The following RBFOX1 variants were observed in gnomAD, a reference collection of about 807,000 sequenced individuals.
RBFOX1 encodes the protein RNA binding fox-1 homolog 1, also known as RNA binding protein fox-1 homolog 1.
A neutral mutation model predicts 57.7 loss-of-function variants in RBFOX1; 8 were observed. The ratio of observed to expected loss-of-function variants is 0.14; its 90% confidence interval spans 0.08 to 0.25. RBFOX1 has a LOEUF of 0.25. Ranked by LOEUF, RBFOX1 falls within the 10% of genes least tolerant of loss-of-function variation. The pLI is 1.00. For synonymous variants in RBFOX1, 326 were observed against 222.4 expected (o/e 1.47, Z -4.15); for missense variants, 611 against 548.5 (o/e 1.11, Z -1.14).
intron 3 of RBFOX1, among the ~76,000 whole-genome samples, chr16:7,032,831 C>T (rs1026552371): frequency 1.3e-5 from 2 of 152,172 alleles, no homozygotes; most frequent in Admixed American, 1.3e-4. Flanking sequence ...TCTCCAGGCT[C>T]ATGGCATAGC....
intron 1 of RBFOX1, among the ~76,000 whole-genome samples, chr16:5,330,939 A>T (rs1256140330): frequency 1.9e-4 from 29 of 151,280 alleles, no homozygotes; most frequent in Admixed American, 1.9e-3. Flanking sequence ...CAGAACAGGG[A>T]TATTCTTTAG....
intron 1 of RBFOX1, among the ~76,000 whole-genome samples, chr16:6,297,158 G>A (rs979126835): frequency 8.5e-5 from 13 of 152,072 alleles, no homozygotes; most frequent in Admixed American, 3.9e-4. Context: ...CGCCATCTTC[G>A]TTTTGGTAGG....
At chr16:5,442,743 T>G (rs988702038) in intron 1 of RBFOX1, among the ~76,000 whole-genome samples, 3 of 152,204 alleles carry the variant, frequency 2.0e-5, no homozygotes, top group Non-Finnish European at 4.4e-5. Flanking sequence ...TTAATCTGTC[T>G]CACCGTCCTC....
At chr16:5,563,209 A>C (rs4786713) in intron 2 of RBFOX1, among the ~76,000 whole-genome samples, 34,683 of 152,144 alleles carry the variant, frequency 0.23, 4,222 homozygotes, top group South Asian at 0.36. Flanking sequence ...TTGGCCTCCC[A>C]AAGTGTTGGG....
At chr16:5,502,736 T>C (rs1257237196) in intron 2 of RBFOX1, among the ~76,000 whole-genome samples, 4 of 152,182 alleles carry the variant, frequency 2.6e-5, no homozygotes, top group Non-Finnish European at 5.9e-5. Context: ...TGCAGATGTC[T>C]GCAGAGTCTG....
intron 3 of RBFOX1, among the ~76,000 whole-genome samples, chr16:5,819,871 A>T (rs1450651765): frequency 6.6e-6 from 1 of 152,186 alleles, no homozygotes; most frequent in Non-Finnish European, 1.5e-5. Context: ...TTTGTACCTC[A>T]AGTGCCCTGT....
intron 3 of RBFOX1, among the ~76,000 whole-genome samples, chr16:6,690,014 AG>A (rs2059983018): frequency 6.6e-6 from 1 of 152,202 alleles, no homozygotes; most frequent in Admixed American, 6.5e-5. Flanking sequence ...ATGATAAACA[AG>A]TTAATCTTCT....
intron 3 of RBFOX1, among the ~76,000 whole-genome samples, chr16:6,923,730 A>G (rs1294209085): frequency 2.0e-5 from 3 of 152,100 alleles, no homozygotes; most frequent in African/African-American, 7.2e-5. Flanking sequence ...AGGCCAGCAA[A>G]GTGGTCAGGA....
At chr16:6,062,363 C>A (rs1231800417) in intron 1 of RBFOX1, among the ~76,000 whole-genome samples, 3 of 151,946 alleles carry the variant, frequency 2.0e-5, no homozygotes, top group Admixed American at 6.6e-5. Context: ...GGTAGGTCCC[C>A]CTGGCAACCA....
At chr16:6,288,404 C>G (rs182288255) in intron 1 of RBFOX1, among the ~76,000 whole-genome samples, 6 of 152,266 alleles carry the variant, frequency 3.9e-5, no homozygotes, top group African/African-American at 1.2e-4. Context: ...TTCTGCTGAA[C>G]TGCAAGTGAT....
chr16:6,171,125 C>G (rs1447858834), intron 1 of RBFOX1, among the ~76,000 whole-genome samples: 1 of 152,142 alleles, frequency 6.6e-6, no homozygotes, highest in Non-Finnish European at 1.5e-5. Context: ...ATCGCTAGAT[C>G]AAATGGTAGT....
At chr16:7,437,149 T>C (rs1176838461) in intron 4 of RBFOX1, among the ~76,000 whole-genome samples, 1 of 152,008 alleles carries the variant, frequency 6.6e-6, no homozygotes, top group Non-Finnish European at 1.5e-5. Flanking sequence ...TGCCATAGGA[T>C]CGTTTAATCT....
chr16:6,688,473 C>T (rs1438003273), intron 3 of RBFOX1, among the ~76,000 whole-genome samples: 1 of 152,090 alleles, frequency 6.6e-6, no homozygotes, highest in Non-Finnish European at 1.5e-5. Flanking sequence ...TTGGCAACAG[C>T]AGTGGGGATT....
intron 3 of RBFOX1, among the ~76,000 whole-genome samples, chr16:5,847,234 A>C (rs1323078350): frequency 6.6e-6 from 1 of 152,062 alleles, no homozygotes; most frequent in African/African-American, 2.4e-5. Context: ...AAGACGCTGC[A>C]GTTGGTAGAA....
intron 2 of RBFOX1, among the ~76,000 whole-genome samples, chr16:6,553,927 C>T (rs766082562): frequency 1.3e-5 from 2 of 152,112 alleles, no homozygotes; most frequent in African/African-American, 4.8e-5. Flanking sequence ...AAATCATTCC[C>T]AACAATTAAG....
intron 4 of RBFOX1, among the ~76,000 whole-genome samples, chr16:7,387,701 A>C (rs959600184): frequency 6.6e-6 from 1 of 152,162 alleles, no homozygotes; most frequent in Non-Finnish European, 1.5e-5. Flanking sequence ...TGTCGGTGGC[A>C]GCTGTGGGCC....
At chr16:7,493,768 A>G (rs1357636129) in intron 4 of RBFOX1, among the ~76,000 whole-genome samples, 1 of 152,210 alleles carries the variant, frequency 6.6e-6, no homozygotes, top group Non-Finnish European at 1.5e-5. Flanking sequence ...ACGTCAGTTG[A>G]GAAATCAGAA....
At chr16:6,048,579 C>T (rs2152430635) in intron 1 of RBFOX1, among the ~76,000 whole-genome samples, 1 of 152,274 alleles carries the variant, frequency 6.6e-6, no homozygotes, top group African/African-American at 2.4e-5. Context: ...AACTCTGTAA[C>T]CTTGCTTGGG....
intron 1 of RBFOX1, among the ~76,000 whole-genome samples, chr16:6,168,090 C>G (rs908013960): frequency 6.6e-6 from 1 of 152,134 alleles, no homozygotes; most frequent in African/African-American, 2.4e-5. Flanking sequence ...TAAAGCTAGT[C>G]TAACAATGGG....
Sources: gnomAD v4.1 joint callset for allele counts (sites outside exome capture counted in the v4.1 genomes callset) on GRCh38, gnomAD v4.1.1 for gene constraint, MANE v1.5 for transcripts, NCBI Gene and HGNC (gene_info 2026-07-23, HGNC 2026-07-21) for gene names.